The following ZNF3 variants were observed in gnomAD, a reference collection of about 807,000 sequenced individuals.
ZNF3 encodes C2-H2 type zinc finger protein.
A neutral mutation model predicts 36.9 loss-of-function variants in ZNF3; 16 were observed. That is an observed-to-expected ratio of 0.43 (90% CI 0.29 to 0.66). The LOEUF (loss-of-function observed/expected upper bound fraction) is 0.66, where lower values mean the gene tolerates loss of function less well. Ranked by LOEUF, ZNF3 falls within the 30% of genes least tolerant of loss-of-function variation. The pLI, the probability that ZNF3 is intolerant of heterozygous loss-of-function variation, is 0.13. For missense variants in ZNF3, 462 were observed against 543.1 expected, an observed-to-expected ratio of 0.85 and a Z score of 1.48; for synonymous variants, 201 against 201.9, an observed-to-expected ratio of 1.00 and a Z score of 0.04.
downstream of ZNF3, among the ~76,000 whole-genome samples, chr7:100,066,574 CAA>C (rs34132820): frequency 7.0e-6 from 1 of 143,398 alleles, no homozygotes; most frequent in Non-Finnish European, 1.5e-5. Context: ...ACTAAAAATA[CAA>C]AAAAAAAAAA....
exon 6 of ZNF3, chr7:100,064,374 T>TAA: frequency 1.2e-6 from 2 of 1,613,918 alleles, no homozygotes; most frequent in Non-Finnish European, 1.7e-6. Flanking sequence ...GTAACGAATG[T>TAA]GGGAAGAGCT....
At chr7:100,068,393 G>A (rs570727093), downstream of ZNF3, among the ~76,000 whole-genome samples, 2 of 151,878 alleles carry the variant, frequency 1.3e-5, no homozygotes, top group African/African-American at 4.8e-5. Flanking sequence ...ATTTGCATAG[G>A]CTGGGCGTAG....
intron 1 of ZNF3, among the ~76,000 whole-genome samples, chr7:100,080,184 G>C (rs892077596): frequency 6.6e-6 from 1 of 152,178 alleles, no homozygotes; most frequent in Non-Finnish European, 1.5e-5. Flanking sequence ...AAGTTCTAAC[G>C]TTCTGTCAGC....
chr7:100,068,900 A>G (rs1373539465), downstream of ZNF3, among the ~76,000 whole-genome samples: 4 of 151,800 alleles, frequency 2.6e-5, no homozygotes, highest in Non-Finnish European at 5.9e-5. Context: ...CACCGCAACC[A>G]CTGCCACCTG....
chr7:100,069,005 T>C (rs1030829727), downstream of ZNF3, among the ~76,000 whole-genome samples: 1 of 151,912 alleles, frequency 6.6e-6, no homozygotes, highest in Non-Finnish European at 1.5e-5. Flanking sequence ...AATTTTTTTT[T>C]TTTTAGGAGA....
intron 1 of ZNF3, among the ~76,000 whole-genome samples, chr7:100,080,218 G>A (rs1234648678): frequency 6.6e-6 from 1 of 152,110 alleles, no homozygotes. Context: ...ACTGTGCTCC[G>A]AACTACTTCA....
chr7:100,068,440 G>A (rs755343611), downstream of ZNF3, among the ~76,000 whole-genome samples: 32 of 151,802 alleles, frequency 2.1e-4, no homozygotes, highest in Non-Finnish European at 2.8e-4. Context: ...TTCGGAGGCC[G>A]AGGCAGGCAG....
intron 2 of ZNF3, among the ~76,000 whole-genome samples, chr7:100,078,021 T>C (rs1440122380): frequency 6.6e-6 from 1 of 151,378 alleles, no homozygotes; most frequent in African/African-American, 2.4e-5. Context: ...TGAGCCACCA[T>C]GCCCAGCCTC....
chr7:100,063,852 G>T (rs780860774), downstream of ZNF3: 1 of 1,614,092 alleles, frequency 6.2e-7, no homozygotes, highest in Admixed American at 1.7e-5. Flanking sequence ...AAGCAGAGGG[G>T]CTCAAAGGGG....
At chr7:100,074,794 G>A (rs1285587013) in intron 5 of ZNF3, among the ~76,000 whole-genome samples, 5 of 152,158 alleles carry the variant, frequency 3.3e-5, no homozygotes, top group Non-Finnish European at 7.3e-5. Flanking sequence ...AGCACTTTGG[G>A]AGGCCAAGAC....
At chr7:100,075,727 G>GTT in intron 3 of ZNF3, 97 bp from the exon 4 acceptor site, 3 of 1,049,600 alleles carry the variant, frequency 2.9e-6, no homozygotes, top group Non-Finnish European at 4.3e-6. Context: ...CGGGGTCCTG[G>GTT]GACAACACAG....
At chr7:100,073,689 G>A (rs1471012951) in intron 5 of ZNF3, among the ~76,000 whole-genome samples, 1 of 151,988 alleles carries the variant, frequency 6.6e-6, no homozygotes, top group Non-Finnish European at 1.5e-5. Flanking sequence ...GAGCAGCAGG[G>A]GCACTAGGTC....
intron 3 of ZNF3, 116 bp downstream of exon 3, chr7:100,077,187 T>G (rs376832479): frequency 1.6e-6 from 2 of 1,260,068 alleles, no homozygotes; most frequent in East Asian, 2.4e-5. Context: ...TGGCGAAGAG[T>G]GTGTCTTATT....
downstream of ZNF3, among the ~76,000 whole-genome samples, chr7:100,066,857 A>T (rs549416070): frequency 1.3e-4 from 20 of 151,808 alleles, no homozygotes; most frequent in South Asian, 4.2e-3. Context: ...CAACATGGTG[A>T]GACCCTGTCT....
intron 2 of ZNF3, 21 bp from the exon 3 acceptor site, chr7:100,077,454 G>A: frequency 6.3e-7 from 1 of 1,599,090 alleles, no homozygotes; most frequent in Non-Finnish European, 8.5e-7. Flanking sequence ...AAAAGTTCAA[G>A]GTTCAAAGAT....
At chr7:100,077,174 G>C (rs879071723) in intron 3 of ZNF3, 129 bp downstream of exon 3, 1 of 1,124,120 alleles carries the variant, frequency 8.9e-7, no homozygotes, top group East Asian at 2.4e-5. Context: ...GTGAGTTACT[G>C]AATGGCGAAG....
In ZNF3 at chr7:100,071,356, C is replaced by G. The variant is rs1793114966; in HGVS notation, c.1128G>C (p.Lys376Asn). The change falls in exon 6 of 6, where the codon AAG (lysine) becomes AAC (asparagine). Residue 376 changes from lysine to asparagine, a missense_variant. Lys to Asn is a moderately conservative substitution (Grantham distance 94). Coordinates refer to ENST00000299667, the MANE Select transcript of ZNF3 (RefSeq NM_032924.5). ...GAATAAGGCCTGAACTGTAGGTAAA[C>G]TTTCCTCCACATTCCATACATTCGT... ...KPYECMECGG[K>N]FTYSSGLIQH... 1 of 1,613,298 alleles carries G rather than the reference C, an allele frequency of 6.2e-7. No homozygotes were observed. Among genetic ancestry groups the G allele is most frequent in the Admixed American group, 1.7e-5 (1 of 59,932 alleles).
downstream of ZNF3, among the ~76,000 whole-genome samples, chr7:100,069,675 G>A (rs1455566660): frequency 5.3e-5 from 8 of 151,234 alleles, no homozygotes; most frequent in South Asian, 2.1e-4. Context: ...GTTCAATGGC[G>A]CGATCTCAGC....
chr7:100,073,273 A>T (rs995250349), intron 5 of ZNF3, among the ~76,000 whole-genome samples: 1 of 152,208 alleles, frequency 6.6e-6, no homozygotes, highest in African/African-American at 2.4e-5. Context: ...GCTCAGGAAA[A>T]TGCCCACTAA....
Sources: allele counts gnomAD v4.1 joint callset (sites outside exome capture counted in the v4.1 genomes callset), GRCh38; gene constraint gnomAD v4.1.1; transcripts MANE v1.5; gene names NCBI Gene and HGNC (gene_info 2026-07-23, HGNC 2026-07-21).